Variants in ARID1B observed in about 807,000 individuals in gnomAD.
ARID1B encodes the protein AT-rich interactive domain-containing protein 1B.
Under a neutral mutation model 212.3 loss-of-function variants are expected in ARID1B, and 30 were observed. The observed-to-expected ratio is 0.14, with a 90% confidence interval of 0.11 to 0.19. The LOEUF is 0.19. Among genes scored for constraint, ARID1B ranks in the 10% least tolerant of loss-of-function variants. The pLI, the probability that ARID1B is intolerant of heterozygous loss-of-function variation, is 1.00. For missense variants in ARID1B, 2,891 were observed against 3,204.0 expected (o/e 0.90, Z 2.36); for synonymous variants, 1,402 against 1,301.7 (o/e 1.08, Z -1.66).
rs555331883 is a variant in ARID1B, at chr6:157,165,032, C to T, written c.3090-2008C>T. On this transcript the variant is annotated intron_variant, in intron 8 of 19. Coordinates refer to ENST00000636930, the MANE Select transcript of ARID1B (RefSeq NM_001374828.1). ...AGCAGTTACCTAAATGCTCAATTGT[C>T]CCTTGTTTGAAGAACACCTCAGAAG... Among the ~76,000 whole-genome samples, 8 of 152,180 alleles carry T rather than the reference C, an allele frequency of 5.3e-5. No homozygotes were observed. In the South Asian group the frequency reaches 1.7e-3, roughly 31 times the overall value.
chr6:156,784,712 A>T (rs1779514730), intron 1 of ARID1B, among the ~76,000 whole-genome samples: 1 of 152,174 alleles, frequency 6.6e-6, no homozygotes, highest in East Asian at 1.9e-4. Flanking sequence ...CTATTTTCAA[A>T]ATCTTTGACT....
chr6:156,784,904 T>G (rs1318659870), intron 1 of ARID1B, among the ~76,000 whole-genome samples: 2 of 152,078 alleles, frequency 1.3e-5, no homozygotes, highest in African/African-American at 4.8e-5. Flanking sequence ...GGACTACAGG[T>G]GCACGCCATC....
intron 2 of ARID1B, among the ~76,000 whole-genome samples, chr6:156,855,679 A>G (rs1168463447): frequency 2.0e-5 from 3 of 152,224 alleles, no homozygotes; most frequent in African/African-American, 4.8e-5. Context: ...GCAGTTCATC[A>G]TTTTGAATGG....
intron 3 of ARID1B, among the ~76,000 whole-genome samples, chr6:156,909,190 A>G (rs1789666631): frequency 7.0e-6 from 1 of 141,858 alleles, no homozygotes; most frequent in African/African-American, 2.7e-5. Flanking sequence ...CAGTGGTGCA[A>G]TCTTGGCTCA....
intron 4 of ARID1B, among the ~76,000 whole-genome samples, chr6:157,019,593 G>A (rs1236834549): frequency 6.6e-6 from 1 of 152,184 alleles, no homozygotes; most frequent in African/African-American, 2.4e-5. Context: ...TAGCCTGGTG[G>A]CTTTTGCTTT....
intron 4 of ARID1B, among the ~76,000 whole-genome samples, chr6:156,962,981 C>A (rs974187322): frequency 1.3e-5 from 2 of 152,216 alleles, no homozygotes; most frequent in East Asian, 3.9e-4. Flanking sequence ...CGGGGTTTCA[C>A]CATTTTGGCC....
rs748681838 is a variant in ARID1B, at chr6:157,190,062, C to T, written c.4083C>T (p.Asp1361=). The part of the protein sequence containing the change: ...GGRSSTISVH[D]PFSDVSDSSF... ...GAAGCAGTACAATCAGTGTGCACGA[C>T]CCATTCTCAGATGTGAGTGATTCAT... The change falls in exon 15 of 20, where the codon GAC becomes GAT. Residue 1361 remains aspartate (D), a synonymous_variant. Transcript: ENST00000636930. The surrounding 1 kb of genome is among the most constrained non-coding windows in gnomAD (Gnocchi z 4.6). The T allele has an allele frequency of 6.2e-7, 1 of 1,614,140 alleles. No homozygotes were observed.
intron 3 of ARID1B, among the ~76,000 whole-genome samples, chr6:156,914,322 G>T (rs1790172297): frequency 6.6e-6 from 1 of 152,186 alleles, no homozygotes; most frequent in Non-Finnish European, 1.5e-5. Context: ...CCAGTGTTCT[G>T]TTATTCAGCC....
chr6:157,060,656 T>TTTA (rs398003170), intron 4 of ARID1B, among the ~76,000 whole-genome samples: 2 of 136,708 alleles, frequency 1.5e-5, no homozygotes, highest in African/African-American at 5.5e-5. Flanking sequence ...TTTTTTTTTT[T>TTTA]ACTATTCTTT....
chr6:156,922,085 G>A (rs573328921), intron 3 of ARID1B, among the ~76,000 whole-genome samples: 1 of 152,142 alleles, frequency 6.6e-6, no homozygotes, highest in African/African-American at 2.4e-5. Flanking sequence ...GTCTCAGCAG[G>A]TCACTGTCAT....
chr6:156,779,630 G>A (rs1365338020), intron 1 of ARID1B, 159 bp downstream of exon 1: 3 of 713,938 alleles, frequency 4.2e-6, no homozygotes, highest in African/African-American at 1.9e-5. Flanking sequence ...CTCCCGCCGC[G>A]GTCGGGGCGC....
chr6:157,098,482 G>A (rs1157244306), intron 5 of ARID1B, among the ~76,000 whole-genome samples: 5 of 152,216 alleles, frequency 3.3e-5, no homozygotes, highest in Admixed American at 1.3e-4. Flanking sequence ...CTATTGCAAA[G>A]GGTGTGTTTT....
At chr6:157,083,809 A>G (rs1463968768) in intron 4 of ARID1B, among the ~76,000 whole-genome samples, 1 of 152,132 alleles carries the variant, frequency 6.6e-6, no homozygotes, top group African/African-American at 2.4e-5. Flanking sequence ...AAATACACAC[A>G]TTATTATTTT....
Position 157,206,413 on chromosome 6 carries a change from G to A in ARID1B, c.5641G>A (p.Asp1881Asn), listed in dbSNP as rs370789207. Reference protein sequence around the residue: ...EEEDSEKTESDEKSSIALTAP... With the variant: ...EEEDSEKTESNEKSSIALTAP... ...GGAAGACAGCGAGAAGACAGAAAGC[G>A]ATGAAAAGAGCAGCATCGCTCTGAC... The change falls in exon 20 of 20, where the codon GAT (aspartate) becomes AAT (asparagine). Residue 1881 changes from aspartate (D) to asparagine (N), a missense_variant. Around this residue, in one of 7 missense-constraint regions of ARID1B, gnomAD observed 332 missense variants for 369.2 expected, o/e 0.90. Transcript: ENST00000636930. This position sits in a 1 kb window ranked among gnomAD's most constrained non-coding sequence, Gnocchi z 6.8. The A allele has an allele frequency of 5.1e-5, 82 of 1,614,160 alleles. 1 individual carries two copies. The South Asian group carries it at 6.6e-4, about 13-fold the overall frequency.
intron 1 of ARID1B, among the ~76,000 whole-genome samples, chr6:156,798,072 G>A (rs1003491837): frequency 7.2e-5 from 11 of 152,260 alleles, no homozygotes; most frequent in African/African-American, 2.7e-4. Context: ...GCAGTAGGTG[G>A]AGCGAGAGAT....
chr6:156,958,511 T>C (rs1583028109), intron 4 of ARID1B, among the ~76,000 whole-genome samples: 2 of 152,260 alleles, frequency 1.3e-5, no homozygotes, highest in Admixed American at 6.5e-5. Flanking sequence ...TGTGCTATTA[T>C]GATGGATACA....
chr6:156,907,042 T>A (rs1789451691), intron 3 of ARID1B, among the ~76,000 whole-genome samples: 2 of 152,124 alleles, frequency 1.3e-5, no homozygotes, highest in Admixed American at 1.3e-4. Flanking sequence ...AAGTCTCAGG[T>A]TTTTTAATTA....
At chr6:156,935,652 C>A in intron 4 of ARID1B, 76 bp downstream of exon 4, 3 of 1,293,816 alleles carry the variant, frequency 2.3e-6, no homozygotes, top group South Asian at 1.3e-5. Context: ...TTTGTTTGTT[C>A]TACTTTATAT....
At chr6:157,002,250 T>G (rs1416717992) in intron 4 of ARID1B, among the ~76,000 whole-genome samples, 3 of 152,210 alleles carry the variant, frequency 2.0e-5, no homozygotes, top group Admixed American at 6.5e-5. Flanking sequence ...TTTTTTAAAC[T>G]TTATCATTTT....
Sources: allele counts gnomAD v4.1 joint callset (sites outside exome capture counted in the v4.1 genomes callset), GRCh38; gene constraint gnomAD v4.1.1; regional missense constraint gnomAD v4.1.1; non-coding constraint Gnocchi (gnomAD v3.1); transcripts MANE v1.5; gene names NCBI Gene and HGNC (gene_info 2026-07-23, HGNC 2026-07-21).